The following PID1 variants were observed in gnomAD, a reference collection of about 807,000 sequenced individuals.
PID1 encodes the protein PTB-containing, cubilin and LRP1-interacting protein.
In PID1, 10 loss-of-function variants were observed where a neutral mutation model predicts 19.1. That is an observed-to-expected ratio of 0.52 (90% CI 0.32 to 0.89). The LOEUF (loss-of-function observed/expected upper bound fraction) is 0.89. Ranked by LOEUF, PID1 falls within the 40% of genes least tolerant of loss-of-function variation. PID1 has a pLI of 0.03. For synonymous variants in PID1, 130 were observed against 116.0 expected, an observed-to-expected ratio of 1.12 and a Z score of -0.78; for missense variants, 248 against 285.3, an observed-to-expected ratio of 0.87 and a Z score of 0.94.
chr2:229,187,871 C>G (rs1274820679), intron 1 of PID1, among the ~76,000 whole-genome samples: 5 of 152,202 alleles, frequency 3.3e-5, no homozygotes, highest in Non-Finnish European at 5.9e-5. Flanking sequence ...TCTCCAGTAT[C>G]CCTTTTGCCC....
At chr2:229,095,935 G>C (rs1694963467) in intron 2 of PID1, among the ~76,000 whole-genome samples, 1 of 152,158 alleles carries the variant, frequency 6.6e-6, no homozygotes, top group Admixed American at 6.5e-5. Flanking sequence ...AGAAGAATCA[G>C]ATATCTTTGC....
At chr2:229,037,251 T>C (rs1693683552) in intron 2 of PID1, among the ~76,000 whole-genome samples, 1 of 152,176 alleles carries the variant, frequency 6.6e-6, no homozygotes, top group South Asian at 2.1e-4. Flanking sequence ...GAAATCTATT[T>C]TTATTATAGA....
intron 1 of PID1, among the ~76,000 whole-genome samples, chr2:229,199,745 T>TAC (rs1553576024): frequency 0.024 from 2,882 of 122,486 alleles, 95 homozygotes; most frequent in African/African-American, 0.078. Context: ...TATATATATA[T>TAC]ACACATACAC....
Position 229,024,927 on chromosome 2 carries a change from T to C in PID1, c.*705A>G, listed in dbSNP as rs1693377774. 6.6e-6 allele frequency: 1 copy of C among 152,596 alleles called. No homozygotes were observed. Among genetic ancestry groups the C allele is most frequent in the Admixed American group, 6.6e-5 (1 of 15,258 alleles). 9.5% of individuals were successfully genotyped at this position (152,596 alleles called of 1,614,324 possible). On this transcript the variant is annotated 3_prime_UTR_variant, in exon 3 of 3. Coordinates refer to ENST00000392055, the MANE Select transcript of PID1 (RefSeq NM_001100818.2). ...AAGGATGTTAGAAGGGGAAAGAGGG[T>C]GGACAGGGCAGCAGGAGGGAAAGGG...
At chr2:229,046,381 CGTGTGT>C (rs532823161) in intron 2 of PID1, among the ~76,000 whole-genome samples, 3 of 91,392 alleles carry the variant, frequency 3.3e-5, no homozygotes, top group African/African-American at 5.0e-5. Context: ...TGTGTGTGTG[CGTGTGT>C]GTGTGTGTGT....
intron 2 of PID1, among the ~76,000 whole-genome samples, chr2:229,106,814 A>G (rs1316109253): frequency 6.6e-6 from 1 of 152,204 alleles, no homozygotes; most frequent in Non-Finnish European, 1.5e-5. Flanking sequence ...GATATTCTGG[A>G]TCCATTATGG....
At position 229,178,458 on chromosome 2, in the gene PID1, T is replaced by C. The variant is rs372370334; in HGVS notation, c.31-22494A>G. Among the ~76,000 whole-genome samples, 42 of 152,112 alleles carry C rather than the reference T, an allele frequency of 2.8e-4. No homozygotes were observed. In the South Asian group the frequency reaches 5.6e-3, roughly 20 times the overall value. On this transcript the variant is annotated intron_variant, in intron 1 of 2. Transcript: ENST00000392055. ...ATTTTAGCTTATTTTCTTCAATTAG[T>C]TTTTTTTAAGAAAAAGAAAATACAG...
intron 1 of PID1, among the ~76,000 whole-genome samples, chr2:229,210,841 G>C (rs1212278998): frequency 6.6e-6 from 1 of 152,138 alleles, no homozygotes; most frequent in Non-Finnish European, 1.5e-5. Flanking sequence ...TAAAAGCTTA[G>C]GGAAAGCTTG....
At chr2:229,148,495 G>A (rs530049244) in intron 2 of PID1, among the ~76,000 whole-genome samples, 21 of 152,266 alleles carry the variant, frequency 1.4e-4, no homozygotes, top group Middle Eastern at 3.4e-3. Context: ...AAGGCTGAGC[G>A]TGGCTTAAGT....
intron 1 of PID1, among the ~76,000 whole-genome samples, chr2:229,173,421 CT>C (rs1390195915): frequency 1.3e-5 from 2 of 152,192 alleles, no homozygotes; most frequent in Non-Finnish European, 2.9e-5. Flanking sequence ...CCATTACCAG[CT>C]TGTGTCTTAC....
At chr2:229,205,214 TAC>T (rs747016188) in intron 1 of PID1, among the ~76,000 whole-genome samples, 36 of 151,648 alleles carry the variant, frequency 2.4e-4, no homozygotes, top group Middle Eastern at 3.4e-3. Context: ...GCACACATGC[TAC>T]ACACACACAA....
intron 1 of PID1, among the ~76,000 whole-genome samples, chr2:229,263,423 T>C (rs1449690913): frequency 6.6e-6 from 1 of 152,204 alleles, no homozygotes; most frequent in Non-Finnish European, 1.5e-5. Context: ...AGAAGCTTTA[T>C]TTGTTATTCA....
In PID1 at chr2:229,184,332, C is replaced by CAT. The variant is rs372180651; in HGVS notation, c.31-28370_31-28369dup. Among the ~76,000 whole-genome samples, 7 of 26,624 alleles carry CAT rather than the reference C, an allele frequency of 2.6e-4. 3 individuals carry two copies. The Admixed American group carries it at 3.3e-3, about 12-fold the overall frequency. The allele number at this position is 26,624 out of a possible 152,430, so 17.5% of individuals were successfully genotyped here. On this transcript the variant is annotated intron_variant, in intron 1 of 2. Transcript: ENST00000392055. ...ATATATATCCCATGTATATATATCCCATATATATATCCCATATATATATCA... is the reference window on the plus strand; with the variant it reads ...ATATATATCCCATGTATATATATCCCATATATATATATCCCATATATATATCA...
intron 2 of PID1, among the ~76,000 whole-genome samples, chr2:229,123,975 T>C (rs1417984166): frequency 6.6e-6 from 1 of 152,206 alleles, no homozygotes; most frequent in Admixed American, 6.5e-5. Context: ...AGTAGGCTAA[T>C]GCTGGGTAAT....
At chr2:229,084,345 C>G (rs1195080558) in intron 2 of PID1, among the ~76,000 whole-genome samples, 2 of 152,144 alleles carry the variant, frequency 1.3e-5, no homozygotes, top group Non-Finnish European at 2.9e-5. Flanking sequence ...TGGAAATTTT[C>G]TCTTGGCATA....
intron 1 of PID1, among the ~76,000 whole-genome samples, chr2:229,240,009 G>T (rs1182602392): frequency 1.3e-5 from 2 of 152,042 alleles, no homozygotes; most frequent in Non-Finnish European, 2.9e-5. Context: ...AACAAGGCAA[G>T]ACTGAACCAT....
chr2:229,176,156 A>T (rs1209106618), intron 1 of PID1, among the ~76,000 whole-genome samples: 4 of 3,150 alleles, frequency 1.3e-3, no homozygotes, highest in Non-Finnish European at 3.7e-3. Flanking sequence ...AACCTTCAAA[A>T]ATTAAAAAAA....
At chr2:229,076,135 C>G (rs1391587598) in intron 2 of PID1, among the ~76,000 whole-genome samples, 1 of 152,156 alleles carries the variant, frequency 6.6e-6, no homozygotes, top group Non-Finnish European at 1.5e-5. Flanking sequence ...ATTGAAGTTT[C>G]CTTGCGTAGG....
chr2:229,049,682 T>C (rs988453145), intron 2 of PID1, among the ~76,000 whole-genome samples: 2 of 152,168 alleles, frequency 1.3e-5, no homozygotes, highest in Non-Finnish European at 2.9e-5. Flanking sequence ...GTTTCACAGC[T>C]CAGAAATCTA....
Sources: gnomAD v4.1 joint callset for allele counts (sites outside exome capture counted in the v4.1 genomes callset) on GRCh38, gnomAD v4.1.1 for gene constraint, MANE v1.5 for transcripts, NCBI Gene and HGNC (gene_info 2026-07-23, HGNC 2026-07-21) for gene names.